Variants in TTN observed in about 807,000 individuals in gnomAD.
The protein encoded by TTN is connectin.
TTN carries 1,525 observed loss-of-function variants against 3,223.0 expected under a neutral mutation model. The ratio of observed to expected loss-of-function variants is 0.47; its 90% confidence interval spans 0.45 to 0.49. The LOEUF (loss-of-function observed/expected upper bound fraction) is 0.49, where lower values mean the gene tolerates loss of function less well. Ranked by LOEUF, TTN falls within the 20% of genes least tolerant of loss-of-function variation. The probability of loss-of-function intolerance (pLI) is 0.00; values close to 1 mark genes in which losing one functional copy is unlikely to be tolerated. For synonymous variants in TTN, 14,094 were observed against 15,161.0 expected (o/e 0.93, Z 5.17); for missense variants, 40,786 against 43,424.0 (o/e 0.94, Z 5.40).
Position 178,689,868 on chromosome 2 carries a change from A to G in TTN, c.31791T>C (p.Pro10597=), listed in dbSNP as rs397517539. 6.2e-7 allele frequency: 1 copy of G among 1,613,458 alleles called. No individual in the cohort carries two copies. Among genetic ancestry groups the G allele is most frequent in the South Asian group, 1.1e-5 (1 of 90,968 alleles). Residue 10597 remains proline, a synonymous_variant, in exon 122 of 363, where the codon CCT becomes CCC. Coordinates refer to ENST00000589042, the MANE Select transcript of TTN (RefSeq NM_001267550.2). ...KVPEVPKKPV[P]EEKIPVPVAK... ...CAACAGGAACGGGAATCTTTTCTTC[A>G]GGGACAGGTTTCTTTGGCACCTCTG...
Position 178,688,732 on chromosome 2 carries a change from A to G in TTN, c.32142T>C (p.Ala10714=), listed in dbSNP as rs762903628. 3.5e-5 allele frequency: 56 copies of G among 1,613,780 alleles called. No individual in the cohort carries two copies. The highest frequency in any genetic ancestry group is 4.7e-5 in the Non-Finnish European group (56 of 1,179,786). The change falls in exon 126 of 363, where the codon GCT becomes GCC. Residue 10714 remains alanine (A), a synonymous_variant. Coordinates refer to ENST00000589042, the MANE Select transcript of TTN (RefSeq NM_001267550.2). ...GAACTGCGAAGGATAGTTTTTCTTC[A>G]GCAACAAATCTCTTTTCTTCTACAA... ...KTVVEEKRFV[A]EEKLSFAVPQ... is the part of the protein sequence containing the mutation.
intron 155 of TTN, 77 bp downstream of exon 155, chr2:178,671,894 C>A: frequency 6.6e-7 from 1 of 1,504,688 alleles, no homozygotes; most frequent in Non-Finnish European, 8.9e-7. Flanking sequence ...ATCTTCCAAA[C>A]TGAACACAAA....
Position 178,720,584 on chromosome 2 carries a change from C to T in TTN, c.23178G>A (p.Ser7726=), listed in dbSNP as rs753546095. Residue 7726 remains serine, a synonymous_variant, in exon 80 of 363, where the codon TCG becomes TCA. Coordinates refer to ENST00000589042, the MANE Select transcript of TTN (RefSeq NM_001267550.2). ...GSDVILQCEI[S]GTPPFEVVWV... ...ATACTACTTCAAATGGGGGAGTTCC[C>T]GAAATTTCACATTGGAGAATCACAT... The T allele has an allele frequency of 2.2e-5, 36 of 1,613,124 alleles. No homozygotes were observed. The highest frequency in any genetic ancestry group is 7.7e-5 in the South Asian group (7 of 90,998).
Position 178,732,906 on chromosome 2 carries a change from C to A in TTN, c.16270G>T (p.Ala5424Ser). The change falls in exon 55 of 363, where the codon GCA becomes TCA. Residue 5424 changes from alanine (A) to serine (S), a missense_variant. Ala to Ser is a moderately conservative substitution (Grantham distance 99). Transcript: ENST00000589042. ...LEIIRVDMND[A>S]GNFTCRATNS... The stretch of plus-strand genomic sequence containing the variant: ...GTGGCTCGACAAGTGAAATTCCCTG[C>A]ATCATTCATGTCTACTCTGATGATC... The A allele has an allele frequency of 1.2e-6, 2 of 1,613,514 alleles. No homozygotes were observed. The highest frequency in any genetic ancestry group is 2.2e-5 in the South Asian group (2 of 91,066).
rs397517552 is a variant in TTN, at chr2:178,672,628, G to A, written c.34855+7C>T. ...AGAGGAAGTCAGGTTTAAAAGAGAA[G>A]ATGTACCTTTGGCTGGGGGTGCCTC... is the stretch of plus-strand genomic sequence containing the variant. On this transcript the variant is annotated splice_region_variant and intron_variant, in intron 153 of 362. Coordinates refer to ENST00000589042, the MANE Select transcript of TTN (RefSeq NM_001267550.2). 1.9e-6 allele frequency: 3 copies of A among 1,611,684 alleles called. No homozygotes were observed. Among genetic ancestry groups the A allele is most frequent in the Non-Finnish European group, 1.7e-6 (2 of 1,178,488 alleles).
At position 178,590,720 on chromosome 2, in the gene TTN, G is replaced by C; in HGVS notation, c.61005C>G (p.Leu20335=). The C allele has an allele frequency of 2.5e-6, 4 of 1,612,800 alleles. No individual in the cohort carries two copies. The highest frequency in any genetic ancestry group is 2.7e-5 in the African/African-American group (2 of 74,982). ...IADLKFRVTG[L]YEGNTYEFRV... is the part of the protein sequence containing the mutation. ...TAAACTCATATGTATTTCCTTCATA[G>C]AGTCCAGTCACTCTGAACTTCAGGT... The change falls in exon 304 of 363, where the codon CTC becomes CTG. Residue 20335 remains leucine, a synonymous_variant. Transcript: ENST00000589042.
chr2:178,564,871 A>G lies in TTN; in HGVS notation c.81261T>C (p.Asp27087=). The G allele has an allele frequency of 6.2e-7, 1 of 1,612,582 alleles. No homozygotes were observed. The highest frequency in any genetic ancestry group is 8.5e-7 in the Non-Finnish European group (1 of 1,179,452). The change falls in exon 326 of 363, where the codon GAT becomes GAC. Residue 27087 remains aspartate (D), a synonymous_variant. Coordinates refer to ENST00000589042, the MANE Select transcript of TTN (RefSeq NM_001267550.2). ...GTPFVTSISK[D]QMLVQWHEPV... ...GCTCATGCCATTGCACAAGCATCTG[A>G]TCTTTTGAGATTGATGTCACAAAAG...
chr2:178,702,158 G>A lies in TTN; in HGVS notation c.30511+10C>T, dbSNP rs746874990. 8.7e-6 allele frequency: 14 copies of A among 1,613,714 alleles called. No individual in the cohort carries two copies. The highest frequency in any genetic ancestry group is 2.2e-5 in the South Asian group (2 of 91,084). ...GATGGCAGGGTGGCTTTCTGATGGC[G>A]CTACCTCACCTTTCGTCGTTAGGTA... is the stretch of plus-strand genomic sequence containing the variant. On this transcript the variant is annotated intron_variant, in intron 108 of 362. Coordinates refer to ENST00000589042, the MANE Select transcript of TTN (RefSeq NM_001267550.2).
In TTN at chr2:178,611,913, A is replaced by C. The variant is rs1222977459; in HGVS notation, c.50396T>G (p.Val16799Gly). Residue 16799 changes from valine to glycine, a missense_variant, in exon 268 of 363, where the codon GTG becomes GGG. By Grantham distance (109) the Val-to-Gly change is moderately radical (BLOSUM62 -3). Coordinates refer to ENST00000589042, the MANE Select transcript of TTN (RefSeq NM_001267550.2). ...AGGTCCTGCAGTCTTTCCAGCTTTC[A>C]CCCAACGGGTACCTAACCTTTCTTT... The part of the protein sequence containing the change: ...EKKERLGTRW[V>G]KAGKTAGPDC... 1.9e-6 allele frequency: 3 copies of C among 1,612,556 alleles called. No homozygotes were observed. The highest frequency in any genetic ancestry group is 2.5e-6 in the Non-Finnish European group (3 of 1,179,208).
At chr2:178,591,953 T>G in intron 302 of TTN, 25 bp downstream of exon 302, 1 of 1,607,434 alleles carries the variant, frequency 6.2e-7, no homozygotes, top group Non-Finnish European at 8.5e-7. Context: ...AAACAATAGT[T>G]TTGTATTCAG....
chr2:178,743,950 A>T (rs915476529), intron 47 of TTN, among the ~76,000 whole-genome samples: 1 of 151,874 alleles, frequency 6.6e-6, no homozygotes. Context: ...TTTTTTTGTG[A>T]GGGAGGCAGG....
chr2:178,679,841 C>T (rs2068935119), intron 140 of TTN, 53 bp downstream of exon 140: 4 of 1,601,266 alleles, frequency 2.5e-6, no homozygotes, highest in East Asian at 2.2e-5. Context: ...CAAATCAGAC[C>T]CCCAAACTCC....
In TTN at chr2:178,775,892, G is replaced by A. The variant is rs868584868; in HGVS notation, c.5972C>T (p.Pro1991Leu). 6.2e-7 allele frequency: 1 copy of A among 1,614,104 alleles called. No homozygotes were observed. The highest frequency in any genetic ancestry group is 1.7e-5 in the Admixed American group (1 of 60,000). ...RAERITHEKV[P>L]EESEELRSKF... ...ACTGCGCAGCTCTTCCGACTCTTCA[G>A]GCACTTTTTCATGGGTAATTCTTTC... The change falls in exon 28 of 363, where the codon CCT becomes CTT. Residue 1991 changes from proline (P) to leucine (L), a missense_variant. By Grantham distance (98) the Pro-to-Leu change is moderately conservative. Transcript: ENST00000589042.
In TTN at chr2:178,570,567, C is replaced by T. The variant is rs757224932; in HGVS notation, c.75565G>A (p.Val25189Ile). 1.2e-6 allele frequency: 2 copies of T among 1,613,404 alleles called. No homozygotes were observed. The highest frequency in any genetic ancestry group is 1.7e-4 in the Middle Eastern group (1 of 6,052). ...ACAGTAACTGATCTTTCTCCTGCAA[C>T]ATTTTTGGCCTTCAGTATGTAATTT... Reference protein sequence around the residue: ...SGNYILKAKNVAGERSVTVNV... With the variant: ...SGNYILKAKNIAGERSVTVNV... The change falls in exon 326 of 363, where the codon GTT (valine) becomes ATT (isoleucine). Residue 25189 changes from valine (V) to isoleucine (I), a missense_variant. Transcript: ENST00000589042.
rs1405855269 is a variant in TTN at position 178,675,086 on chromosome 2, T to A, written c.34565A>T (p.Glu11522Val). The A allele has an allele frequency of 6.4e-7, 1 of 1,561,512 alleles. No homozygotes were observed. The highest frequency in any genetic ancestry group is 2.5e-5 in the East Asian group (1 of 40,698). Residue 11522 changes from glutamate (E) to valine (V), a missense_variant, in exon 150 of 363, where the codon GAA (glutamate) becomes GTA (valine). Coordinates refer to ENST00000589042, the MANE Select transcript of TTN (RefSeq NM_001267550.2). ...KVPEVPKKVEEKRIILPKEEE... is the reference protein window; with the variant it reads ...KVPEVPKKVEVKRIILPKEEE... Reference sequence around the variant, plus strand: ...TTCTTTAGGGAGAATGATTCGTTTTTCTTCCACCTTCTTAGGCACCTCAGG... The same window carrying A: ...TTCTTTAGGGAGAATGATTCGTTTTACTTCCACCTTCTTAGGCACCTCAGG...
chr2:178,758,318 T>C (rs918914243), intron 44 of TTN, among the ~76,000 whole-genome samples: 4 of 152,248 alleles, frequency 2.6e-5, no homozygotes, highest in African/African-American at 7.2e-5. Context: ...TAAATCCTTA[T>C]GTATTTGTAT....
At position 178,735,830 on chromosome 2, in the gene TTN, C is replaced by G. The variant is rs771719584; in HGVS notation, c.14616G>C (p.Lys4872Asn). Residue 4872 changes from lysine to asparagine, a missense_variant, in exon 50 of 363, where the codon AAG (lysine) becomes AAC (asparagine). Lys to Asn is a moderately conservative substitution (Grantham distance 94, BLOSUM62 0). Transcript: ENST00000589042. ...RGVYSCKASNKFGADICQAEL... is the reference protein window; with the variant it reads ...RGVYSCKASNNFGADICQAEL... Reference sequence around the variant, plus strand: ...CTGCTTGGCAGATGTCTGCTCCAAACTTGTTGGAAGCCTTACAAGAATAAA... The same window carrying G: ...CTGCTTGGCAGATGTCTGCTCCAAAGTTGTTGGAAGCCTTACAAGAATAAA... 6 of 1,613,754 alleles carry G rather than the reference C, an allele frequency of 3.7e-6. No individual in the cohort carries two copies. The highest frequency in any genetic ancestry group is 4.2e-6 in the Non-Finnish European group (5 of 1,179,788).
chr2:178,595,984 C>CTTT (rs762808998), intron 294 of TTN, among the ~76,000 whole-genome samples, 175 bp from the exon 295 acceptor site: 130 of 114,494 alleles, frequency 1.1e-3, no homozygotes, highest in African/African-American at 1.4e-3. Context: ...CAGTCAACCA[C>CTTT]TTTTTTTTTT....
intron 210 of TTN, 61 bp downstream of exon 210, chr2:178,650,103 A>G: frequency 3.4e-6 from 5 of 1,459,684 alleles, no homozygotes; most frequent in African/African-American, 1.4e-5. Flanking sequence ...CTTAAGGAAG[A>G]TATATAGACA....
Sources: allele counts gnomAD v4.1 joint callset (sites outside exome capture counted in the v4.1 genomes callset), GRCh38; gene constraint gnomAD v4.1.1; transcripts MANE v1.5; gene names NCBI Gene and HGNC (gene_info 2026-07-23, HGNC 2026-07-21).